Variants in OPCML observed in about 807,000 individuals in gnomAD.
OPCML encodes opioid-binding protein/cell adhesion molecule.
In OPCML, 13 loss-of-function variants were observed where a neutral mutation model predicts 37.8. The observed-to-expected ratio is 0.34, with a 90% CI of 0.22 to 0.55. The LOEUF (loss-of-function observed/expected upper bound fraction) is 0.55. OPCML is among the 20% of genes least tolerant of loss of function. The pLI, the probability that OPCML is intolerant of heterozygous loss-of-function variation, is 0.91. For synonymous variants in OPCML, 176 were observed against 168.8 expected, an observed-to-expected ratio of 1.04 and a Z score of -0.33; for missense variants, 341 against 435.6, an observed-to-expected ratio of 0.78 and a Z score of 1.93.
At chr11:132,610,225 A>C (rs1429127974) in intron 3 of OPCML, among the ~76,000 whole-genome samples, 1 of 152,146 alleles carries the variant, frequency 6.6e-6, no homozygotes, top group Non-Finnish European at 1.5e-5. Flanking sequence ...CCTCTCCATA[A>C]TATAACAGAG....
chr11:132,537,017 T>C (rs1366471514), intron 3 of OPCML, among the ~76,000 whole-genome samples: 3 of 152,240 alleles, frequency 2.0e-5, no homozygotes, highest in Non-Finnish European at 4.4e-5. Context: ...AGGTCTGTTC[T>C]GGTCTAAAAC....
chr11:133,508,850 C>G (rs1298799231), intron 1 of OPCML, among the ~76,000 whole-genome samples: 2 of 152,202 alleles, frequency 1.3e-5, no homozygotes, highest in African/African-American at 4.8e-5. Context: ...TGCCTCACCT[C>G]TTGCTCGGCT....
intron 2 of OPCML, among the ~76,000 whole-genome samples, chr11:132,863,637 T>C (rs1318705701): frequency 6.6e-6 from 1 of 152,178 alleles, no homozygotes; most frequent in African/African-American, 2.4e-5. Context: ...CCTAAAACTA[T>C]GACTCTAACT....
chr11:133,140,862 C>CGACGACGACGACGACGAAGGA (rs1565468254), intron 1 of OPCML, among the ~76,000 whole-genome samples: 3 of 38,990 alleles, frequency 7.7e-5, no homozygotes, highest in African/African-American at 2.5e-4. Flanking sequence ...ACGAAGAAGA[C>CGACGACGACGACGACGAAGGA]GACGACGACG....
intron 2 of OPCML, among the ~76,000 whole-genome samples, chr11:132,809,588 AG>A (rs1403424740): frequency 6.6e-6 from 1 of 152,194 alleles, no homozygotes; most frequent in Non-Finnish European, 1.5e-5. Context: ...AAAAGACTGG[AG>A]TCTCCAGTAA....
At chr11:132,937,486 G>C (rs961851951) in intron 2 of OPCML, among the ~76,000 whole-genome samples, 9 of 151,988 alleles carry the variant, frequency 5.9e-5, no homozygotes, top group Admixed American at 2.0e-4. Context: ...GACAGAGAGA[G>C]AGAGAGAGAG....
chr11:132,874,102 C>T (rs972355538), intron 2 of OPCML, among the ~76,000 whole-genome samples: 4 of 152,134 alleles, frequency 2.6e-5, no homozygotes, highest in East Asian at 1.9e-4. Context: ...GTTTGGGTTC[C>T]GCCTCCTGAG....
chr11:132,740,569 A>T, intron 2 of OPCML, among the ~76,000 whole-genome samples: 1 of 152,162 alleles, frequency 6.6e-6, no homozygotes, highest in East Asian at 1.9e-4. Context: ...AGTATAATTT[A>T]TTATATTTAT....
intron 2 of OPCML, among the ~76,000 whole-genome samples, chr11:132,793,069 G>C (rs895592078): frequency 1.3e-5 from 2 of 152,204 alleles, no homozygotes; most frequent in Non-Finnish European, 2.9e-5. Flanking sequence ...ACTGGGGTCC[G>C]GGGCGCCTCC....
rs1331075419 is a variant in OPCML at position 132,437,366 on chromosome 11, A to T, written c.506-7T>A. The T allele has an allele frequency of 6.2e-7, 1 of 1,613,742 alleles. No individual in the cohort carries two copies. Among genetic ancestry groups the T allele is most frequent in the East Asian group, 2.2e-5 (1 of 44,876 alleles). ...CTTACAAAGCCCTGGCCTTCTGGGA[A>T]GAAAGAAGCAGACAGGAAACAATCA... On this transcript the variant is annotated splice_polypyrimidine_tract_variant and splice_region_variant and intron_variant, in intron 4 of 7. Transcript: ENST00000524381.
intron 1 of OPCML, among the ~76,000 whole-genome samples, chr11:133,424,663 T>C (rs1484401427): frequency 2.0e-5 from 3 of 152,228 alleles, no homozygotes. Context: ...AAAAATGCCG[T>C]GATAAACATC....
At chr11:133,380,889 C>T (rs1944915223) in intron 1 of OPCML, among the ~76,000 whole-genome samples, 3 of 152,128 alleles carry the variant, frequency 2.0e-5, no homozygotes, top group African/African-American at 7.2e-5. Flanking sequence ...AAACCTGAGG[C>T]CCTGCTAATT....
chr11:132,665,417 C>T (rs1428954906), intron 2 of OPCML, among the ~76,000 whole-genome samples: 1 of 152,152 alleles, frequency 6.6e-6, no homozygotes. Flanking sequence ...TCTCACACCA[C>T]GCAAGTGAGG....
chr11:133,275,767 C>G (rs1941976645), intron 1 of OPCML, among the ~76,000 whole-genome samples: 1 of 152,192 alleles, frequency 6.6e-6, no homozygotes, highest in African/African-American at 2.4e-5. Flanking sequence ...CATGGATATT[C>G]AATAGACATT....
chr11:132,922,877 C>G (rs565968568), intron 2 of OPCML, among the ~76,000 whole-genome samples: 1 of 150,736 alleles, frequency 6.6e-6, no homozygotes, highest in East Asian at 2.0e-4. Flanking sequence ...TGAGACCAGT[C>G]TAGCAACGCA....
chr11:133,527,334 G>A (rs1014430936), intron 1 of OPCML, among the ~76,000 whole-genome samples: 1 of 152,168 alleles, frequency 6.6e-6, no homozygotes, highest in African/African-American at 2.4e-5. Context: ...CTCAAAGTCA[G>A]AATGCATATT....
intron 1 of OPCML, among the ~76,000 whole-genome samples, chr11:133,462,014 AC>A (rs1946872150): frequency 6.6e-6 from 1 of 151,988 alleles, no homozygotes; most frequent in Non-Finnish European, 1.5e-5. Flanking sequence ...GAGTGTCATG[AC>A]CATTTAATGA....
chr11:133,532,440 G>C lies in OPCML; in HGVS notation c.-116C>G, dbSNP rs1948625344. 3 of 1,280,576 alleles carry C rather than the reference G, an allele frequency of 2.3e-6. No individual in the cohort carries two copies. In the Admixed American group the frequency reaches 5.9e-5, roughly 25 times the overall value. 79.3% of individuals were successfully genotyped at this position (1,280,576 alleles called of 1,614,324 possible). A position where few individuals can be genotyped will look rare whatever the true frequency, so the allele number is the denominator to read the frequency against. Reference sequence around the variant, plus strand: ...GGTTTAAATCCAATGTTTGCAAAGGGAGGGAGAGAGCAGAAGAGAGAGAGA... The same window carrying C: ...GGTTTAAATCCAATGTTTGCAAAGGCAGGGAGAGAGCAGAAGAGAGAGAGA... On this transcript the variant is annotated 5_prime_UTR_variant, in exon 1 of 8. Transcript: ENST00000524381.
At chr11:132,529,583 C>T (rs1231191550) in intron 3 of OPCML, among the ~76,000 whole-genome samples, 1 of 152,210 alleles carries the variant, frequency 6.6e-6, no homozygotes, top group Non-Finnish European at 1.5e-5. Context: ...CTGTCCTCAG[C>T]CTCAAGCCTT....
Sources: allele counts gnomAD v4.1 joint callset (sites outside exome capture counted in the v4.1 genomes callset), GRCh38; gene constraint gnomAD v4.1.1; transcripts MANE v1.5; gene names NCBI Gene and HGNC (gene_info 2026-07-23, HGNC 2026-07-21).